PCDH11X: variants seen among roughly 807,000 people sequenced by gnomAD.
PCDH11X encodes protocadherin-11 X-linked.
Under a neutral mutation model 53.3 loss-of-function variants are expected in PCDH11X, and 18 were observed. The ratio of observed to expected loss-of-function variants is 0.34; its 90% confidence interval spans 0.23 to 0.50. The LOEUF is 0.50. Among genes scored for constraint, PCDH11X ranks in the 20% least tolerant of loss-of-function variants. The pLI is 0.98. For missense variants in PCDH11X, 570 were observed against 1,032.4 expected (o/e 0.55, Z 6.14); for synonymous variants, 279 against 393.3 (o/e 0.71, Z 3.44).
At chrX:92,128,097 A>G (rs1306829624) in intron 6 of PCDH11X, among the ~76,000 whole-genome samples, 5 of 111,936 alleles carry the variant, frequency 4.5e-5, no homozygotes, top group South Asian at 3.7e-4. Flanking sequence ...TCTTTCACCA[A>G]TGGATGCAAG....
chrX:92,126,710 AGTGTGTGTGTGTGT>A (rs71913292), intron 6 of PCDH11X, among the ~76,000 whole-genome samples: 2 of 100,594 alleles, frequency 2.0e-5, no homozygotes, highest in Non-Finnish European at 4.0e-5. Flanking sequence ...ATATGTGGGG[AGTGTGTGTGTGTGT>A]GTGTGTGTGT....
chrX:92,107,671 A>C (rs1289708812), intron 6 of PCDH11X, among the ~76,000 whole-genome samples: 22 of 112,426 alleles, frequency 2.0e-4, no homozygotes, highest in Non-Finnish European at 5.6e-5. Flanking sequence ...CAAAGCCCCC[A>C]CTTTGAATTG....
At chrX:92,477,718 G>T (rs2750789) in intron 10 of PCDH11X, among the ~76,000 whole-genome samples, 2 of 104,629 alleles carry the variant, frequency 1.9e-5, no homozygotes, top group African/African-American at 7.1e-5. Flanking sequence ...CCTGAGTCCA[G>T]CAAGTCTCAG....
At chrX:92,073,327 T>C (rs1432484504) in intron 6 of PCDH11X, among the ~76,000 whole-genome samples, 2 of 112,300 alleles carry the variant, frequency 1.8e-5, no homozygotes, top group Non-Finnish European at 3.8e-5. Context: ...AAATTTGGTG[T>C]TGCAAATGAT....
At chrX:92,069,891 A>G (rs925818939) in intron 6 of PCDH11X, among the ~76,000 whole-genome samples, 1 of 110,717 alleles carries the variant, frequency 9.0e-6, no homozygotes. Flanking sequence ...CACGTTGGCC[A>G]GGCTGATCTC....
At chrX:92,157,856 G>T (rs1304508440) in intron 6 of PCDH11X, among the ~76,000 whole-genome samples, 1 of 111,512 alleles carries the variant, frequency 9.0e-6, no homozygotes, top group African/African-American at 3.3e-5. Flanking sequence ...ATGTTCTTAT[G>T]ACATGGAAAA....
intron 7 of PCDH11X, among the ~76,000 whole-genome samples, chrX:92,210,230 CTTTTTTTTTTTTTT>C (rs146233770): frequency 4.9e-5 from 2 of 41,079 alleles, no homozygotes; most frequent in Admixed American, 4.4e-4. Context: ...AGAAAATGGG[CTTTTTTTTTTTTTT>C]TTTTTTTTTT....
intron 9 of PCDH11X, among the ~76,000 whole-genome samples, chrX:92,444,004 C>A (rs1015802902): frequency 9.1e-6 from 1 of 110,408 alleles, no homozygotes; most frequent in Non-Finnish European, 1.9e-5. Context: ...ATAGCTTTTG[C>A]TATTCAGGCT....
chrX:92,464,693 C>T (rs2073124133), intron 9 of PCDH11X, among the ~76,000 whole-genome samples: 1 of 109,503 alleles, frequency 9.1e-6, no homozygotes, highest in African/African-American at 3.3e-5. Flanking sequence ...AGACTCTATG[C>T]AATCTACACA....
At chrX:92,019,410 A>G (rs890702422) in intron 6 of PCDH11X, among the ~76,000 whole-genome samples, 4 of 110,524 alleles carry the variant, frequency 3.6e-5, no homozygotes, top group Non-Finnish European at 7.6e-5. Context: ...AATATTATAT[A>G]CATTCTTCTC....
At chrX:92,137,101 C>T (rs1206048231) in intron 6 of PCDH11X, among the ~76,000 whole-genome samples, 2 of 108,728 alleles carry the variant, frequency 1.8e-5, no homozygotes, top group African/African-American at 3.4e-5. Context: ...TTGAGGGATC[C>T]TTCCACCTTA....
At chrX:92,577,169 G>A (rs1923079693) in intron 10 of PCDH11X, among the ~76,000 whole-genome samples, 1 of 110,110 alleles carries the variant, frequency 9.1e-6, no homozygotes, top group South Asian at 3.8e-4. Context: ...AAATCCATCT[G>A]CTCCTAGACT....
rs766521246 is a variant in PCDH11X at position 92,271,983 on chromosome X, G to A, written c.3144+8840G>A. ...ATCAGGAGATCAGACTCATGGAGGCGGATGAAATTTGACAATACATGATGG... is the reference window on the plus strand; with the variant it reads ...ATCAGGAGATCAGACTCATGGAGGCAGATGAAATTTGACAATACATGATGG... On this transcript the variant is annotated intron_variant, in intron 8 of 10. Coordinates refer to ENST00000682573, the MANE Select transcript of PCDH11X (RefSeq NM_032968.5). Among the ~76,000 whole-genome samples, 16 of 111,924 alleles carry A rather than the reference G, an allele frequency of 1.4e-4. No homozygotes were observed. The South Asian group carries it at 1.5e-3, about 10-fold the overall frequency.
chrX:91,957,660 G>C (rs1449374597), intron 6 of PCDH11X, among the ~76,000 whole-genome samples: 7 of 110,872 alleles, frequency 6.3e-5, no homozygotes, highest in African/African-American at 2.3e-4. Context: ...ATCCCAGGGG[G>C]ATACTGATCT....
At chrX:92,148,321 C>T (rs369989484) in intron 6 of PCDH11X, among the ~76,000 whole-genome samples, 2 of 101,437 alleles carry the variant, frequency 2.0e-5, no homozygotes, top group African/African-American at 7.2e-5. Context: ...CTCTGCCTCC[C>T]AGGTTCAAGC....
intron 1 of PCDH11X, among the ~76,000 whole-genome samples, chrX:91,807,635 CA>C (rs755079983): frequency 9.0e-6 from 1 of 111,281 alleles, no homozygotes; most frequent in South Asian, 3.8e-4. Flanking sequence ...TTCATAGGTT[CA>C]AAAGAGGTTC....
chrX:92,060,828 C>A (rs5942117), intron 6 of PCDH11X, among the ~76,000 whole-genome samples: 60 of 111,437 alleles, frequency 5.4e-4, no homozygotes, highest in Non-Finnish European at 9.4e-4. Context: ...AATTTCTATT[C>A]GTTTGCGTAT....
chrX:92,407,477 T>C (rs2071546227), intron 9 of PCDH11X, among the ~76,000 whole-genome samples: 1 of 110,090 alleles, frequency 9.1e-6, no homozygotes, highest in South Asian at 3.9e-4. Flanking sequence ...ATGTGAAAAT[T>C]GTAAAATGGA....
intron 10 of PCDH11X, among the ~76,000 whole-genome samples, chrX:92,529,201 A>G (rs771860409): frequency 8.9e-6 from 1 of 111,999 alleles, no homozygotes; most frequent in South Asian, 3.7e-4. Context: ...TGTTGATGTA[A>G]CAAGCACATC....
Sources: allele counts gnomAD v4.1 joint callset (sites outside exome capture counted in the v4.1 genomes callset), GRCh38; gene constraint gnomAD v4.1.1; transcripts MANE v1.5; gene names NCBI Gene and HGNC (gene_info 2026-07-23, HGNC 2026-07-21).